Variants in ADAMTSL3 observed in about 807,000 individuals in gnomAD.
The protein encoded by ADAMTSL3 is ADAMTS-like protein 3.
In ADAMTSL3, 128 loss-of-function variants were observed where a neutral mutation model predicts 201.7. The ratio of observed to expected loss-of-function variants is 0.63; its 90% CI spans 0.55 to 0.73. ADAMTSL3 has a LOEUF of 0.73. ADAMTSL3 is among the 30% of genes least tolerant of loss of function. The pLI, the probability that ADAMTSL3 is intolerant of heterozygous loss-of-function variation, is 0.00. For missense variants in ADAMTSL3, 1,990 were observed against 2,119.6 expected (o/e 0.94, Z 1.20); for synonymous variants, 738 against 748.4 (o/e 0.99, Z 0.23).
chr15:83,914,063 C>A (rs2065985045), intron 16 of ADAMTSL3, among the ~76,000 whole-genome samples: 1 of 152,170 alleles, frequency 6.6e-6, no homozygotes, highest in South Asian at 2.1e-4. Context: ...AAAACTATAT[C>A]TTTTACTTAC....
chr15:83,863,814 A>G (rs2064917922), intron 8 of ADAMTSL3, among the ~76,000 whole-genome samples: 1 of 152,220 alleles, frequency 6.6e-6, no homozygotes, highest in Admixed American at 6.5e-5. Context: ...CAAAAAAATC[A>G]ATGAATCCAG....
At chr15:83,687,262 CAT>C (rs1330776910) in intron 2 of ADAMTSL3, among the ~76,000 whole-genome samples, 1 of 152,186 alleles carries the variant, frequency 6.6e-6, no homozygotes, top group Non-Finnish European at 1.5e-5. Flanking sequence ...ATTTTAGTAA[CAT>C]ATTTCATTTA....
intron 2 of ADAMTSL3, chr15:83,694,223 C>T (rs2061650080): frequency 1.3e-5 from 2 of 152,238 alleles, no homozygotes; most frequent in Admixed American, 1.3e-4. Context: ...CTCTCACAAA[C>T]AGCACTTACT....
At chr15:83,767,897 T>G (rs2062918776) in intron 3 of ADAMTSL3, among the ~76,000 whole-genome samples, 1 of 152,224 alleles carries the variant, frequency 6.6e-6, no homozygotes, top group Non-Finnish European at 1.5e-5. Context: ...ATTAATGGAA[T>G]GCTGTAAGAT....
At chr15:83,767,089 G>A (rs537848654) in intron 3 of ADAMTSL3, among the ~76,000 whole-genome samples, 2 of 152,212 alleles carry the variant, frequency 1.3e-5, no homozygotes, top group South Asian at 4.1e-4. Flanking sequence ...GTAAGACTTC[G>A]TCTCAAAAAG....
chr15:83,870,720 G>A (rs2065064096), intron 8 of ADAMTSL3, 82 bp from the exon 9 acceptor site: 2 of 1,175,538 alleles, frequency 1.7e-6, no homozygotes, highest in Non-Finnish European at 2.3e-6. Context: ...ATCATATACT[G>A]ACATTGTATT....
intron 6 of ADAMTSL3, among the ~76,000 whole-genome samples, chr15:83,821,893 C>A (rs1173094707): frequency 5.3e-5 from 8 of 149,538 alleles, no homozygotes; most frequent in African/African-American, 1.7e-4. Context: ...AACTCCCTCC[C>A]GGATGGGGCG....
chr15:83,896,094 G>A (rs1376464551), intron 13 of ADAMTSL3, among the ~76,000 whole-genome samples: 1 of 152,160 alleles, frequency 6.6e-6, no homozygotes, highest in Non-Finnish European at 1.5e-5. Context: ...GCTCTGGGAG[G>A]AAATTCCACT....
rs147799200 is a variant in ADAMTSL3, at chr15:83,747,410, A to G, written c.190-26113A>G. 2.4e-3 allele frequency among the ~76,000 whole-genome samples: 373 copies of G among 152,282 alleles called. 1 individual carries two copies. Among genetic ancestry groups the G allele is most frequent in the African/African-American group, 8.6e-3 (356 of 41,584 alleles). On this transcript the variant is annotated intron_variant, in intron 3 of 29. Coordinates refer to ENST00000286744, the MANE Select transcript of ADAMTSL3 (RefSeq NM_207517.3). Reference sequence around the variant, plus strand: ...CACTTTGGTCAGTTTCTGCTCTGGCAGGAGAAATGGTTTCAGTAAGTTTTT... The same window carrying G: ...CACTTTGGTCAGTTTCTGCTCTGGCGGGAGAAATGGTTTCAGTAAGTTTTT...
intron 3 of ADAMTSL3, among the ~76,000 whole-genome samples, chr15:83,743,542 A>G (rs965612881): frequency 6.6e-6 from 1 of 150,578 alleles, no homozygotes. Flanking sequence ...AAAAAAAAAA[A>G]GTGTGCTTTC....
intron 29 of ADAMTSL3, 82 bp from the exon 30 acceptor site, chr15:84,037,618 T>C: frequency 6.9e-7 from 1 of 1,447,112 alleles, no homozygotes; most frequent in Non-Finnish European, 9.2e-7. Context: ...GATCTCAATT[T>C]ATGGCTTTTC....
At chr15:84,004,507 A>AAACCAGGAGTG (rs1226626910) in intron 23 of ADAMTSL3, among the ~76,000 whole-genome samples, 1 of 152,222 alleles carries the variant, frequency 6.6e-6, no homozygotes, top group African/African-American at 2.4e-5. Flanking sequence ...AACCAGGAGT[A>AAACCAGGAGTG]AACCAGGAGT....
At chr15:84,009,445 T>A (rs1209671150) in intron 23 of ADAMTSL3, among the ~76,000 whole-genome samples, 2 of 152,210 alleles carry the variant, frequency 1.3e-5, no homozygotes, top group African/African-American at 4.8e-5. Context: ...GGTATCAAAA[T>A]ATTAATAAAC....
intron 23 of ADAMTSL3, among the ~76,000 whole-genome samples, chr15:84,013,711 T>C (rs1408501013): frequency 6.6e-6 from 1 of 152,196 alleles, no homozygotes; most frequent in Non-Finnish European, 1.5e-5. Context: ...GAGGTTGCAG[T>C]GAGCCAAGAT....
At chr15:83,919,962 A>G (rs992795590) in intron 16 of ADAMTSL3, among the ~76,000 whole-genome samples, 11 of 152,186 alleles carry the variant, frequency 7.2e-5, no homozygotes, top group African/African-American at 2.7e-4. Context: ...TTTTGTGCAT[A>G]TGAATATTTG....
At chr15:84,023,411 C>T (rs1192740916) in intron 26 of ADAMTSL3, among the ~76,000 whole-genome samples, 1 of 152,138 alleles carries the variant, frequency 6.6e-6, no homozygotes, top group Non-Finnish European at 1.5e-5. Context: ...TCTAAGAGTG[C>T]CTTGGAGGAG....
At chr15:83,766,901 C>T (rs1343674352) in intron 3 of ADAMTSL3, among the ~76,000 whole-genome samples, 1 of 152,168 alleles carries the variant, frequency 6.6e-6, no homozygotes, top group Non-Finnish European at 1.5e-5. Context: ...TCAAGACCAG[C>T]ATGGCCAACA....
chr15:83,816,576 A>G (rs1368279146), intron 5 of ADAMTSL3, among the ~76,000 whole-genome samples: 2 of 152,240 alleles, frequency 1.3e-5, no homozygotes, highest in Admixed American at 1.3e-4. Context: ...TCTCTTAGAC[A>G]CTTTCCTTTG....
At chr15:83,844,489 TCCC>T (rs934844869) in intron 7 of ADAMTSL3, among the ~76,000 whole-genome samples, 15 of 152,330 alleles carry the variant, frequency 9.8e-5, no homozygotes, top group African/African-American at 3.6e-4. Flanking sequence ...TCTCCTGTCT[TCCC>T]ACATCATCTC....
Sources: allele counts gnomAD v4.1 joint callset (sites outside exome capture counted in the v4.1 genomes callset), GRCh38; gene constraint gnomAD v4.1.1; transcripts MANE v1.5; gene names NCBI Gene and HGNC (gene_info 2026-07-23, HGNC 2026-07-21).